The following HECTD3 variants were observed in gnomAD, a reference collection of about 807,000 sequenced individuals.
HECTD3 encodes the protein E3 ubiquitin-protein ligase HECTD3.
HECTD3 carries 72 observed loss-of-function variants against 109.3 expected under a neutral mutation model. The observed-to-expected ratio is 0.66, with a 90% CI of 0.54 to 0.80. The LOEUF (loss-of-function observed/expected upper bound fraction) is 0.80, where lower values mean the gene tolerates loss of function less well. HECTD3 is among the 30% of genes least tolerant of loss of function. HECTD3 has a pLI of 0.00. For missense variants in HECTD3, 1,041 were observed against 1,165.2 expected, an observed-to-expected ratio of 0.89 and a Z score of 1.55; for synonymous variants, 481 against 471.8, an observed-to-expected ratio of 1.02 and a Z score of -0.25.
rs1644705812 is a variant in HECTD3 at position 45,003,272 on chromosome 1, A to G, written c.*220T>C. Reference sequence around the variant, plus strand: ...TCTTAAGAGGTGAAATACCTCGGGAAGCAAGCCCCAGCACGGGTAGGGCTT... The same window carrying G: ...TCTTAAGAGGTGAAATACCTCGGGAGGCAAGCCCCAGCACGGGTAGGGCTT... On this transcript the variant is annotated 3_prime_UTR_variant, in exon 21 of 21. Transcript: ENST00000372172. This position sits in a 1 kb window ranked among gnomAD's most constrained non-coding sequence, Gnocchi z 4.7. The G allele has an allele frequency of 1.8e-6, 1 of 564,842 alleles. No homozygotes were observed. The highest frequency in any genetic ancestry group is 3.2e-6 in the Non-Finnish European group (1 of 313,680). The allele number at this position is 564,842 out of a possible 1,614,324, so 35.0% of individuals were successfully genotyped here.
In HECTD3 at chr1:45,004,824, G is replaced by A; in HGVS notation, c.1936-18C>T. The A allele has an allele frequency of 6.2e-7, 1 of 1,607,688 alleles. No homozygotes were observed. Among genetic ancestry groups the A allele is most frequent in the Non-Finnish European group, 8.5e-7 (1 of 1,174,140 alleles). ...AGCTTCACCTAGGGGTTGGAGAGAG[G>A]CAGGGAGGTAACCTTTTCACTGTGG... On this transcript the variant is annotated intron_variant, in intron 15 of 20. Coordinates refer to ENST00000372172, the MANE Select transcript of HECTD3 (RefSeq NM_024602.6).
intron 2 of HECTD3, 73 bp downstream of exon 2, chr1:45,010,473 T>A (rs1241729733): frequency 4.4e-6 from 7 of 1,582,916 alleles, no homozygotes; most frequent in Non-Finnish European, 6.0e-6. Context: ...CACCCCAGGC[T>A]GTGGCTGAAG....
chr1:45,004,580 T>A lies in HECTD3; in HGVS notation c.2142+20A>T. The A allele has an allele frequency of 1.2e-6, 2 of 1,613,446 alleles. No individual in the cohort carries two copies. Among genetic ancestry groups the A allele is most frequent in the Non-Finnish European group, 1.7e-6 (2 of 1,179,740 alleles). ...CAGGAGGGGCCAAAGCTCTCTGCTC[T>A]ACTAGCCTCTGGGTACTACCTGCTC... On this transcript the variant is annotated intron_variant, in intron 16 of 20. Transcript: ENST00000372172.
At position 45,009,161 on chromosome 1, in the gene HECTD3, C is replaced by T. The variant is rs774871050; in HGVS notation, c.1055G>A (p.Arg352His). 1.9e-5 allele frequency: 30 copies of T among 1,613,996 alleles called. No individual in the cohort carries two copies. The highest frequency in any genetic ancestry group is 3.3e-5 in the South Asian group (3 of 91,078). Residue 352 changes from arginine to histidine, a missense_variant, in exon 7 of 21, where the codon CGC becomes CAC. By Grantham distance (29) the Arg-to-His change is conservative (BLOSUM62 0). Transcript: ENST00000372172. The stretch of plus-strand genomic sequence containing the variant: ...AACCTCACCTCGGCACTCCACGATG[C>T]GGATCTCGATGATCGGGAGGTGGAC... The part of the protein sequence containing the change: ...MTVHLPIIEI[R>H]IVECRDDGID...
intron 11 of HECTD3, 99 bp downstream of exon 11, chr1:45,007,120 G>T: frequency 1.3e-6 from 2 of 1,505,790 alleles, no homozygotes; most frequent in Non-Finnish European, 1.8e-6. Context: ...GGGGTGCCTC[G>T]AGCAGTTGTG....
In HECTD3 at chr1:45,008,306, G is replaced by A. The variant is rs972325252; in HGVS notation, c.1254C>T (p.Leu418=). The change falls in exon 9 of 21, where the codon CTC becomes CTT. Residue 418 remains leucine, a synonymous_variant. Transcript: ENST00000372172. ...GTACCAGGTGGTGCAGGACACTATC[G>A]AGGATCTTGATGAATCTGGCATGGG... ...AVLLQRFIKI[L]DSVLHHLVPA... 1 of 1,613,972 alleles carries A rather than the reference G, an allele frequency of 6.2e-7. No individual in the cohort carries two copies. Among genetic ancestry groups the A allele is most frequent in the Non-Finnish European group, 8.5e-7 (1 of 1,179,836 alleles).
At position 45,006,650 on chromosome 1, in the gene HECTD3, T is replaced by G; in HGVS notation, c.1725+42A>C. The G allele has an allele frequency of 6.5e-7, 1 of 1,541,412 alleles. No homozygotes were observed. On this transcript the variant is annotated intron_variant, in intron 13 of 20. Coordinates refer to ENST00000372172, the MANE Select transcript of HECTD3 (RefSeq NM_024602.6). This position sits in a 1 kb window ranked among gnomAD's most constrained non-coding sequence, Gnocchi z 4.7. ...CTCCTCTGCCCCCTTTCTAGCTCAA[T>G]CTGGCACCTGGGAGGTTTGCAGAGA...
At chr1:45,009,937 AGGGGTGTGACTATATCTTGCCT>A in intron 4 of HECTD3, 27 bp downstream of exon 4, 1 of 1,515,138 alleles carries the variant, frequency 6.6e-7, no homozygotes, top group Non-Finnish European at 8.8e-7. Flanking sequence ...TCTAGCCTTG[AGGGGTGTGACTATATCTTGCCT>A]GGGGTGGGAG....
At position 45,003,685 on chromosome 1, in the gene HECTD3, G is replaced by A. The variant is rs191887693; in HGVS notation, c.2485C>T (p.Leu829=). ...ESSTCSSTLF[L]PHYASAKVCE... is the part of the protein sequence containing the mutation. ...AAAACCCACCTGGCATAGTGTGGCA[G>A]GAAGAGGGTGCTGGAGCAAGTGGAA... The change falls in exon 20 of 21, where the codon CTG becomes TTG. Residue 829 remains leucine, a synonymous_variant. Coordinates refer to ENST00000372172, the MANE Select transcript of HECTD3 (RefSeq NM_024602.6). The surrounding 1 kb of genome is among the most constrained non-coding windows in gnomAD (Gnocchi z 4.7). 3,412 of 1,614,146 alleles carry A rather than the reference G, an allele frequency of 2.1e-3. 15 individuals are homozygous for A. The highest frequency in any genetic ancestry group is 2.8e-3 in the Non-Finnish European group (3,297 of 1,180,010).
chr1:45,004,115 C>T lies in HECTD3; in HGVS notation c.2292G>A (p.Glu764=). Residue 764 remains glutamate, a synonymous_variant, in exon 18 of 21, where the codon GAG becomes GAA. Coordinates refer to ENST00000372172, the MANE Select transcript of HECTD3 (RefSeq NM_024602.6). The stretch of plus-strand genomic sequence containing the variant: ...AATACTGCACCCGCGAGTCAGATGG[C>T]TCGAAGTCCTCAAACCGGGCTGGTG... ...LRKLTRFEDF[E]PSDSRVQYFW... 6.2e-7 allele frequency: 1 copy of T among 1,614,108 alleles called. No individual in the cohort carries two copies. Among genetic ancestry groups the T allele is most frequent in the Non-Finnish European group, 8.5e-7 (1 of 1,180,038 alleles).
rs758756290 is a variant in HECTD3 at position 45,005,886 on chromosome 1, G to A, written c.1846-3C>T. ...ACAAAACCAGGCAGGGCCAGGACCT[G>A]TGTGACAAACACTCCCCACTGTCTT... On this transcript the variant is annotated splice_polypyrimidine_tract_variant and splice_region_variant and intron_variant, in intron 14 of 20. Coordinates refer to ENST00000372172, the MANE Select transcript of HECTD3 (RefSeq NM_024602.6). The A allele has an allele frequency of 1.8e-5, 29 of 1,605,312 alleles. No individual in the cohort carries two copies. Among genetic ancestry groups the A allele is most frequent in the Non-Finnish European group, 2.3e-5 (27 of 1,175,728 alleles).
In HECTD3 at chr1:45,005,987, G is replaced by A. The variant is rs372479832; in HGVS notation, c.1845+10C>T. ...GCTGATCGGACGGGGGTGTGGATAAGGCTACTCACCAGGAACTCCTTACCC... is the reference window on the plus strand; with the variant it reads ...GCTGATCGGACGGGGGTGTGGATAAAGCTACTCACCAGGAACTCCTTACCC... On this transcript the variant is annotated intron_variant, in intron 14 of 20. Transcript: ENST00000372172. 16 of 1,613,652 alleles carry A rather than the reference G, an allele frequency of 9.9e-6. No individual in the cohort carries two copies. In the African/African-American group the frequency reaches 1.7e-4, roughly 17 times the overall value.
chr1:45,010,788 G>T, intron 1 of HECTD3, 82 bp from the exon 2 acceptor site: 1 of 1,511,914 alleles, frequency 6.6e-7, no homozygotes, highest in Non-Finnish European at 8.8e-7. Flanking sequence ...AAAGGGCGCC[G>T]AACGCAATGC....
intron 7 of HECTD3, 64 bp from the exon 8 acceptor site, chr1:45,008,765 G>A (rs953932451): frequency 5.3e-6 from 8 of 1,509,170 alleles, no homozygotes; most frequent in South Asian, 2.3e-5. Flanking sequence ...CCTCAGACCT[G>A]GGACCGGCTC....
chr1:45,004,138 G>A lies in HECTD3; in HGVS notation c.2273-4C>T. The A allele has an allele frequency of 6.2e-7, 1 of 1,614,186 alleles. No homozygotes were observed. Among genetic ancestry groups the A allele is most frequent in the Non-Finnish European group, 8.5e-7 (1 of 1,180,030 alleles). On this transcript the variant is annotated splice_region_variant and splice_polypyrimidine_tract_variant and intron_variant, in intron 17 of 20. Transcript: ENST00000372172. ...GGCTCGAAGTCCTCAAACCGGGCTG[G>A]TGGAGACAAGGCCAGCATTCATTCT...
rs1557728170 is a variant in HECTD3 at position 45,006,723 on chromosome 1, G to A, written c.1694C>T (p.Pro565Leu). 6 of 1,613,554 alleles carry A rather than the reference G, an allele frequency of 3.7e-6. No individual in the cohort carries two copies. Among genetic ancestry groups the A allele is most frequent in the Non-Finnish European group, 5.1e-6 (6 of 1,179,720 alleles). ...GGCTGTGCGTACAAAGAAGGGCAGG[G>A]GCACGGGGGTATCCGCTGAGCTAGG... ...LCPSSADTPV[P>L]LPFFVRTANQ... is the part of the protein sequence containing the mutation. Residue 565 changes from proline to leucine, a missense_variant, in exon 13 of 21, where the codon CCC becomes CTC. This residue lies in a region of HECTD3 where 569 missense variants were observed against 715.3 expected (regional missense o/e 0.80). Transcript: ENST00000372172. This position sits in a 1 kb window ranked among gnomAD's most constrained non-coding sequence, Gnocchi z 4.7.
In HECTD3 at chr1:45,006,664, G is replaced by A; in HGVS notation, c.1725+28C>T. ...TTCTAGCTCAATCTGGCACCTGGGA[G>A]GTTTGCAGAGATGGAAACGGAGATT... On this transcript the variant is annotated intron_variant, in intron 13 of 20. Coordinates refer to ENST00000372172, the MANE Select transcript of HECTD3 (RefSeq NM_024602.6). The surrounding 1 kb of genome is among the most constrained non-coding windows in gnomAD (Gnocchi z 4.7). 6.3e-7 allele frequency: 1 copy of A among 1,579,554 alleles called. No homozygotes were observed. Among genetic ancestry groups the A allele is most frequent in the Non-Finnish European group, 8.7e-7 (1 of 1,154,228 alleles).
rs1644747341 is a variant in HECTD3, at chr1:45,007,526, C to G, written c.1390G>C (p.Glu464Gln). The G allele has an allele frequency of 1.2e-6, 2 of 1,613,994 alleles. No homozygotes were observed. Among genetic ancestry groups the G allele is most frequent in the Non-Finnish European group, 1.7e-6 (2 of 1,180,006 alleles). ...GLVAQCLRDS[E>Q]SSKPSFMPRL... ...GGCATGAAGCTGGGCTTGCTGCTCT[C>G]AGAGTCACGCAGGCACTGAGCCACC... The change falls in exon 10 of 21, where the codon GAG (glutamate) becomes CAG (glutamine). Residue 464 changes from glutamate (E) to glutamine (Q), a missense_variant. Transcript: ENST00000372172.
chr1:45,010,727 G>A (rs55841688), intron 1 of HECTD3, 21 bp from the exon 2 acceptor site: 77,242 of 1,530,298 alleles, frequency 0.05, 2,198 homozygotes, highest in Middle Eastern at 0.075. Context: ...GCGTAGGATG[G>A]GGACAGCCGT....
Sources: gnomAD v4.1 joint callset for allele counts on GRCh38, gnomAD v4.1.1 for gene constraint, gnomAD v4.1.1 regional missense constraint, Gnocchi (gnomAD v3.1) non-coding constraint, MANE v1.5 for transcripts, NCBI Gene and HGNC (gene_info 2026-07-23, HGNC 2026-07-21) for gene names.